The following MCOLN1 variants were observed in gnomAD, a reference collection of about 807,000 sequenced individuals.
The protein encoded by MCOLN1 is mucolipin-1.
In MCOLN1, 50 loss-of-function variants were observed where a neutral mutation model predicts 70.3. The observed-to-expected ratio is 0.71, with a 90% CI of 0.57 to 0.90. The LOEUF (loss-of-function observed/expected upper bound fraction) is 0.90. Ranked by LOEUF, MCOLN1 falls within the 40% of genes least tolerant of loss-of-function variation. The pLI is 0.00. For missense variants in MCOLN1, 598 were observed against 803.5 expected (o/e 0.74, Z 3.09); for synonymous variants, 366 against 341.0 (o/e 1.07, Z -0.81).
intron 1 of MCOLN1, among the ~76,000 whole-genome samples, chr19:7,523,922 T>C (rs935899608): frequency 3.3e-5 from 5 of 151,922 alleles, no homozygotes; most frequent in African/African-American, 1.2e-4. Context: ...TCCTAGCTCA[T>C]TGTAACATCG....
intron 12 of MCOLN1, among the ~76,000 whole-genome samples, chr19:7,530,898 G>A (rs927345228): frequency 4.6e-5 from 7 of 151,806 alleles, no homozygotes; most frequent in Non-Finnish European, 1.0e-4. Context: ...ACGCCACCAC[G>A]TCCAGCTAAT....
Position 7,525,630 on chromosome 19 carries a change from T to C in MCOLN1, c.237+464T>C. 1 of 209,120 alleles carries C rather than the reference T, an allele frequency of 4.8e-6. No individual in the cohort carries two copies. The highest frequency in any genetic ancestry group is 6.6e-5 in the South Asian group (1 of 15,264). 13.0% of individuals were successfully genotyped at this position (209,120 alleles called of 1,614,324 possible). On this transcript the variant is annotated intron_variant, in intron 2 of 13. Transcript: ENST00000264079. The surrounding 1 kb of genome is among the most constrained non-coding windows in gnomAD (Gnocchi z 4.2). ...TTGACCCAATGGCTGCACAGATAGT[T>C]CTCCCTCCCCCATGCCAGACCCTGT...
At position 7,526,351 on chromosome 19, in the gene MCOLN1, C is replaced by T. The variant is rs2022567488; in HGVS notation, c.238-88C>T. ...CCCCAGTGGACATCTGCAGGGCCCTCCCTGTCCTCTTCCAGGGCCTGTGCC... is the reference window on the plus strand; with the variant it reads ...CCCCAGTGGACATCTGCAGGGCCCTTCCTGTCCTCTTCCAGGGCCTGTGCC... On this transcript the variant is annotated intron_variant, in intron 2 of 13. Coordinates refer to ENST00000264079, the MANE Select transcript of MCOLN1 (RefSeq NM_020533.3). This position sits in a 1 kb window ranked among gnomAD's most constrained non-coding sequence, Gnocchi z 4.6. The T allele has an allele frequency of 6.6e-7, 1 of 1,523,808 alleles. No homozygotes were observed. The highest frequency in any genetic ancestry group is 9.1e-7 in the Non-Finnish European group (1 of 1,098,496). The allele number at this position is 1,523,808 out of a possible 1,614,324, so 94.4% of individuals were successfully genotyped here.
chr19:7,529,342 A>G (rs2022620328), intron 10 of MCOLN1, 140 bp downstream of exon 10: 2 of 925,500 alleles, frequency 2.2e-6, no homozygotes, highest in African/African-American at 3.3e-5. Context: ...CACCAGATAT[A>G]TCTGTCACTG....
Position 7,533,903 on chromosome 19 carries a change from C to A in MCOLN1, c.*108C>A. ...GCTTTTAAGGATCGGCTCCCTGTCGCGCCCGAGGAGGGCCTGGACCTTTCG... is the reference window on the plus strand; with the variant it reads ...GCTTTTAAGGATCGGCTCCCTGTCGAGCCCGAGGAGGGCCTGGACCTTTCG... On this transcript the variant is annotated 3_prime_UTR_variant, in exon 14 of 14. Coordinates refer to ENST00000264079, the MANE Select transcript of MCOLN1 (RefSeq NM_020533.3). 2.2e-6 allele frequency: 3 copies of A among 1,388,310 alleles called. No individual in the cohort carries two copies. The highest frequency in any genetic ancestry group is 3.0e-6 in the Non-Finnish European group (3 of 997,256). The allele number at this position is 1,388,310 out of a possible 1,614,324, so 86.0% of individuals were successfully genotyped here.
intron 10 of MCOLN1, 89 bp from the exon 11 acceptor site, chr19:7,529,501 G>GCGGCCC: frequency 1.3e-6 from 1 of 747,248 alleles, no homozygotes; most frequent in Non-Finnish European, 2.3e-6. Context: ...CCTCGGCAAG[G>GCGGCCC]CCCCGCCCCT....
chr19:7,529,358 GCGCGGGGCCC>G (rs1364880921), intron 10 of MCOLN1, among the ~76,000 whole-genome samples, 156 bp downstream of exon 10: 1 of 152,178 alleles, frequency 6.6e-6, no homozygotes, highest in Non-Finnish European at 1.5e-5. Flanking sequence ...CACTGCACCT[GCGCGGGGCCC>G]CGGGAGCCTG....
Position 7,528,751 on chromosome 19 carries a change from G to A in MCOLN1, c.984+48G>A. On this transcript the variant is annotated intron_variant, in intron 8 of 13. Transcript: ENST00000264079. The surrounding 1 kb of genome is among the most constrained non-coding windows in gnomAD (Gnocchi z 4.2). ...GCTGGTGTCCTCCCCGCCTGGCCCT[G>A]GGGCGATAAAAGCCAGGGCTTTGAG... 6.2e-6 allele frequency: 10 copies of A among 1,614,172 alleles called. No homozygotes were observed. Among genetic ancestry groups the A allele is most frequent in the Non-Finnish European group, 7.6e-6 (9 of 1,180,008 alleles).
At position 7,529,133 on chromosome 19, in the gene MCOLN1, C is replaced by G; in HGVS notation, c.1167C>G (p.Leu389=). ...NLASYDVCSI[L]LGTSTLLVWV... is the part of the protein sequence containing the mutation. Reference sequence around the variant, plus strand: ...CGAGCTACGACGTCTGCAGCATCCTCCTGGGCACCTCGACGCTGCTGGTGT... The same window carrying G: ...CGAGCTACGACGTCTGCAGCATCCTGCTGGGCACCTCGACGCTGCTGGTGT... The change falls in exon 10 of 14, where the codon CTC becomes CTG. Residue 389 remains leucine (L), a synonymous_variant. Transcript: ENST00000264079. 6.2e-7 allele frequency: 1 copy of G among 1,613,982 alleles called. No homozygotes were observed. Among genetic ancestry groups the G allele is most frequent in the Non-Finnish European group, 8.5e-7 (1 of 1,180,028 alleles).
rs1213900779 is a variant in MCOLN1, at chr19:7,533,582, G to C, written c.1635G>C (p.Gln545His). The C allele has an allele frequency of 6.2e-7, 1 of 1,613,066 alleles. No homozygotes were observed. The highest frequency in any genetic ancestry group is 1.7e-5 in the Admixed American group (1 of 60,020). ...TGCAGGCCTACATCGCACAGTGCCAGGACAGCCCCACCTCCGGCAAGTTCC... is the reference window on the plus strand; with the variant it reads ...TGCAGGCCTACATCGCACAGTGCCACGACAGCCCCACCTCCGGCAAGTTCC... ...SELQAYIAQC[Q>H]DSPTSGKFRR... Residue 545 changes from glutamine to histidine, a missense_variant, in exon 13 of 14, where the codon CAG becomes CAC. Coordinates refer to ENST00000264079, the MANE Select transcript of MCOLN1 (RefSeq NM_020533.3).
Position 7,522,710 on chromosome 19 carries a change from GCCC to G in MCOLN1, c.-39_-37del. 4.9e-6 allele frequency: 7 copies of G among 1,433,532 alleles called. No individual in the cohort carries two copies. Among genetic ancestry groups the G allele is most frequent in the Non-Finnish European group, 6.4e-6 (7 of 1,097,694 alleles). 88.8% of individuals were successfully genotyped at this position (1,433,532 alleles called of 1,614,324 possible). ...AGCGGCGGGCGATCGGACCCAGGCTGCCCCGCCGTACCCGCCTGCGTCCCGCGC... is the reference window on the plus strand; with the variant it reads ...AGCGGCGGGCGATCGGACCCAGGCTGCGCCGTACCCGCCTGCGTCCCGCGC... On this transcript the variant is annotated 5_prime_UTR_variant, in exon 1 of 14. Transcript: ENST00000264079.
Position 7,528,152 on chromosome 19 carries a change from C to T in MCOLN1, c.778-6C>T, listed in dbSNP as rs2146024174. On this transcript the variant is annotated splice_polypyrimidine_tract_variant and splice_region_variant and intron_variant, in intron 6 of 13. Transcript: ENST00000264079. The surrounding 1 kb of genome is among the most constrained non-coding windows in gnomAD (Gnocchi z 4.2). ...GGTTTACTCTGCCCCCAACTGGCCC[C>T]CACAGATCACGTTTGACAACAAAGC... 1 of 1,614,080 alleles carries T rather than the reference C, an allele frequency of 6.2e-7. No homozygotes were observed. The highest frequency in any genetic ancestry group is 1.6e-4 in the Middle Eastern group (1 of 6,062).
At chr19:7,530,563 G>A in intron 12 of MCOLN1, 62 bp downstream of exon 12, 1 of 1,443,226 alleles carries the variant, frequency 6.9e-7, no homozygotes, top group Non-Finnish European at 9.7e-7. Flanking sequence ...TGCCATGAGG[G>A]GGTCTTGGGG....
Position 7,526,289 on chromosome 19 carries a change from C to T in MCOLN1, c.238-150C>T. On this transcript the variant is annotated intron_variant, in intron 2 of 13. Transcript: ENST00000264079. This position sits in a 1 kb window ranked among gnomAD's most constrained non-coding sequence, Gnocchi z 4.6. ...AAGCAAAGAAATGCACAAGTGAAAT[C>T]CGTGTTTGTGGCCCAAGTTAGCAGG... 1 of 867,050 alleles carries T rather than the reference C, an allele frequency of 1.2e-6. No homozygotes were observed. Among genetic ancestry groups the T allele is most frequent in the Non-Finnish European group, 1.9e-6 (1 of 517,870 alleles). 53.7% of individuals were successfully genotyped at this position (867,050 alleles called of 1,614,324 possible).
In MCOLN1 at chr19:7,525,204, C is replaced by T; in HGVS notation, c.237+38C>T. The T allele has an allele frequency of 4.4e-6, 7 of 1,576,742 alleles. No individual in the cohort carries two copies. The highest frequency in any genetic ancestry group is 6.1e-6 in the Non-Finnish European group (7 of 1,147,772). ...AAGCAGGGGCCCCAGCTGAAGGCCA[C>T]CTGTGGCTGCTGTGCTCCTTGAAGA... On this transcript the variant is annotated intron_variant, in intron 2 of 13. Transcript: ENST00000264079. The surrounding 1 kb of genome is among the most constrained non-coding windows in gnomAD (Gnocchi z 4.2).
At chr19:7,529,062 G>A in intron 9 of MCOLN1, 39 bp from the exon 10 acceptor site, 3 of 1,613,550 alleles carry the variant, frequency 1.9e-6, no homozygotes, top group Non-Finnish European at 2.5e-6. Flanking sequence ...CCCAAAGGAA[G>A]GGCTGGGCCA....
In MCOLN1 at chr19:7,524,895, G is replaced by T. The variant is rs181663967; in HGVS notation, c.32-66G>T. ...AAGATAGGGCGTGTGCTGCCTTCCTGGTTGGAGAAAGGGGAAAAGGGGAGT... is the reference window on the plus strand; with the variant it reads ...AAGATAGGGCGTGTGCTGCCTTCCTTGTTGGAGAAAGGGGAAAAGGGGAGT... On this transcript the variant is annotated intron_variant, in intron 1 of 13. Coordinates refer to ENST00000264079, the MANE Select transcript of MCOLN1 (RefSeq NM_020533.3). This position sits in a 1 kb window ranked among gnomAD's most constrained non-coding sequence, Gnocchi z 4.1. 1.5e-4 allele frequency: 208 copies of T among 1,354,540 alleles called. 1 individual carries two copies. The African/African-American group carries it at 2.7e-3, about 18-fold the overall frequency. 83.9% of individuals were successfully genotyped at this position (1,354,540 alleles called of 1,614,324 possible).
In MCOLN1 at chr19:7,526,885, C is replaced by T. The variant is rs1482427054; in HGVS notation, c.530C>T (p.Pro177Leu). Reference sequence around the variant, plus strand: ...TACTACCACCGAGGCCACGTGGACCCGGCCAACGACACATTTGACATTGAT... The same window carrying T: ...TACTACCACCGAGGCCACGTGGACCTGGCCAACGACACATTTGACATTGAT... ...QRYYHRGHVD[P>L]ANDTFDIDPM... The change falls in exon 4 of 14, where the codon CCG (proline) becomes CTG (leucine). Residue 177 changes from proline to leucine, a missense_variant. Coordinates refer to ENST00000264079, the MANE Select transcript of MCOLN1 (RefSeq NM_020533.3). The surrounding 1 kb of genome is among the most constrained non-coding windows in gnomAD (Gnocchi z 4.6). The T allele has an allele frequency of 3.1e-6, 5 of 1,614,068 alleles. No individual in the cohort carries two copies. The highest frequency in any genetic ancestry group is 4.2e-6 in the Non-Finnish European group (5 of 1,180,014).
In MCOLN1 at chr19:7,528,974, C is replaced by A. The variant is rs537560127; in HGVS notation, c.1134+4C>A. 1 of 1,614,058 alleles carries A rather than the reference C, an allele frequency of 6.2e-7. No individual in the cohort carries two copies. Among genetic ancestry groups the A allele is most frequent in the Admixed American group, 1.7e-5 (1 of 60,026 alleles). ...GAAGATCGGCATCGAGGCCAAGGTG[C>A]GTCCTGCCAACACCCTGGGCCCCAG... On this transcript the variant is annotated splice_donor_region_variant and intron_variant, in intron 9 of 13. Transcript: ENST00000264079. This position sits in a 1 kb window ranked among gnomAD's most constrained non-coding sequence, Gnocchi z 4.2.
Sources: allele counts gnomAD v4.1 joint callset (sites outside exome capture counted in the v4.1 genomes callset), GRCh38; gene constraint gnomAD v4.1.1; non-coding constraint Gnocchi (gnomAD v3.1); transcripts MANE v1.5; gene names NCBI Gene and HGNC (gene_info 2026-07-23, HGNC 2026-07-21).